The following NARS2 variants were observed in gnomAD, a reference collection of about 807,000 sequenced individuals.
The protein encoded by NARS2 is asparaginyl-tRNA synthetase.
A neutral mutation model predicts 62.9 loss-of-function variants in NARS2; 60 were observed. That is an observed-to-expected ratio of 0.95 (90% confidence interval 0.77 to 1.18). The LOEUF (loss-of-function observed/expected upper bound fraction) is 1.18, where lower values mean the gene tolerates loss of function less well. Among genes scored for constraint, NARS2 ranks in the 50% most tolerant of loss-of-function variants. NARS2 has a pLI of 0.00. For missense variants in NARS2, 619 were observed against 576.4 expected (o/e 1.07, Z -0.76); for synonymous variants, 196 against 200.0 (o/e 0.98, Z 0.17).
At chr11:78,478,724 T>G in intron 7 of NARS2, 41 bp from the exon 8 acceptor site, 1 of 1,350,398 alleles carries the variant, frequency 7.4e-7, no homozygotes, top group Non-Finnish European at 1.0e-6. Context: ...CGTAAGCAAT[T>G]TTACATGAAA....
intron 4 of NARS2, among the ~76,000 whole-genome samples, chr11:78,564,874 T>C (rs1036069001): frequency 2.0e-5 from 3 of 152,240 alleles, no homozygotes; most frequent in African/African-American, 7.2e-5. Context: ...TTTAGCTCTT[T>C]GACCAAAAGT....
chr11:78,460,025 T>G (rs1219652184), intron 11 of NARS2, among the ~76,000 whole-genome samples: 23 of 152,104 alleles, frequency 1.5e-4, no homozygotes, highest in Non-Finnish European at 3.1e-4. Context: ...AGAAGACTGT[T>G]CTAGATTGAA....
At chr11:78,516,646 G>C (rs1274236009) in intron 6 of NARS2, among the ~76,000 whole-genome samples, 2 of 152,068 alleles carry the variant, frequency 1.3e-5, no homozygotes, top group African/African-American at 4.8e-5. Context: ...ACTGATTTTT[G>C]AGCCCTGGAT....
intron 11 of NARS2, among the ~76,000 whole-genome samples, chr11:78,455,760 C>T (rs1166391563): frequency 6.6e-6 from 1 of 151,962 alleles, no homozygotes; most frequent in Non-Finnish European, 1.5e-5. Context: ...TGTATTTCTG[C>T]CTTTACAGCC....
At chr11:78,571,471 G>T in intron 1 of NARS2, 27 bp from the exon 2 acceptor site, 1 of 1,524,688 alleles carries the variant, frequency 6.6e-7, no homozygotes, top group South Asian at 1.1e-5. Context: ...TTTCCAATGT[G>T]AGCGTAAAAC....
intron 13 of NARS2, among the ~76,000 whole-genome samples, chr11:78,438,137 A>G (rs1050376828): frequency 2.6e-5 from 4 of 152,078 alleles, no homozygotes; most frequent in African/African-American, 9.7e-5. Flanking sequence ...CTATTTCCCC[A>G]CCATTAATAA....
chr11:78,510,004 A>C (rs1372299278), intron 6 of NARS2, among the ~76,000 whole-genome samples: 1 of 152,128 alleles, frequency 6.6e-6, no homozygotes, highest in East Asian at 1.9e-4. Flanking sequence ...GAAAATAAGA[A>C]AGAAATTTAA....
chr11:78,470,501 C>A (rs1054930733), intron 9 of NARS2, among the ~76,000 whole-genome samples: 2 of 152,002 alleles, frequency 1.3e-5, no homozygotes, highest in Non-Finnish European at 2.9e-5. Flanking sequence ...ACATAACATA[C>A]ACACTCTTTC....
chr11:78,453,105 G>A lies in NARS2; in HGVS notation c.1165-9347C>T, dbSNP rs182590348. On this transcript the variant is annotated intron_variant, in intron 11 of 13. Transcript: ENST00000281038. ...ATTGTGTTTCTGTGCATCGTTGGGA[G>A]GCTTGAACTAAGCAGAAGGAGTTTA... is the stretch of plus-strand genomic sequence containing the variant. Among the ~76,000 whole-genome samples, 484 of 152,292 alleles carry A rather than the reference G, an allele frequency of 3.2e-3. 6 individuals carry two copies. Among genetic ancestry groups the A allele is most frequent in the African/African-American group, 0.01 (421 of 41,568 alleles).
chr11:78,445,865 C>T (rs968915084), intron 11 of NARS2, among the ~76,000 whole-genome samples: 1 of 152,068 alleles, frequency 6.6e-6, no homozygotes, highest in African/African-American at 2.4e-5. Flanking sequence ...CAAACTGAGG[C>T]AGGAATATCA....
At chr11:78,503,684 C>G (rs750509086) in intron 6 of NARS2, among the ~76,000 whole-genome samples, 2 of 152,220 alleles carry the variant, frequency 1.3e-5, no homozygotes, top group Non-Finnish European at 2.9e-5. Flanking sequence ...TCTTGACAGA[C>G]TCCAAATCAA....
At chr11:78,524,345 G>T (rs1861226233) in intron 6 of NARS2, among the ~76,000 whole-genome samples, 1 of 151,334 alleles carries the variant, frequency 6.6e-6, no homozygotes, top group African/African-American at 2.4e-5. Context: ...TGAAATTCTG[G>T]GTAAAAAGGT....
chr11:78,475,570 T>C (rs1204317716), intron 9 of NARS2, among the ~76,000 whole-genome samples: 1 of 150,244 alleles, frequency 6.7e-6, no homozygotes, highest in Non-Finnish European at 1.5e-5. Flanking sequence ...CAACACCTGT[T>C]ATCATTTGAC....
rs1370313194 is a variant in NARS2, at chr11:78,509,839, AAAAGAAAAG to A, written c.690-16653_690-16645del. Among the ~76,000 whole-genome samples, 19 of 148,270 alleles carry A rather than the reference AAAAGAAAAG, an allele frequency of 1.3e-4. No homozygotes were observed. The South Asian group carries it at 2.5e-3, about 20-fold the overall frequency. On this transcript the variant is annotated intron_variant, in intron 6 of 13. Coordinates refer to ENST00000281038, the MANE Select transcript of NARS2 (RefSeq NM_024678.6). Reference sequence around the variant, plus strand: ...GAGACTCTGTCTCAAAAAAAAAAAAAAAAGAAAAGAAAAGAAAAGAAAAGAAAGTGAGAG... The same window carrying A: ...GAGACTCTGTCTCAAAAAAAAAAAAAAAAAGAAAAGAAAAGAAAGTGAGAG...
At chr11:78,485,977 C>T (rs1325535437) in intron 7 of NARS2, among the ~76,000 whole-genome samples, 1 of 152,096 alleles carries the variant, frequency 6.6e-6, no homozygotes, top group African/African-American at 2.4e-5. Flanking sequence ...CAGGTTCAAG[C>T]GATTCTCATG....
chr11:78,571,465 C>T (rs1856920212), intron 1 of NARS2, 21 bp from the exon 2 acceptor site: 2 of 1,547,382 alleles, frequency 1.3e-6, no homozygotes, highest in Non-Finnish European at 1.8e-6. Flanking sequence ...GAAATATTTC[C>T]AATGTGAGCG....
chr11:78,447,630 T>TTG (rs1857810371), intron 11 of NARS2, among the ~76,000 whole-genome samples: 1 of 151,782 alleles, frequency 6.6e-6, no homozygotes, highest in Admixed American at 6.6e-5. Flanking sequence ...TGGACAAATA[T>TTG]TGTGTATATA....
chr11:78,544,229 A>G (rs1330999890), intron 5 of NARS2, among the ~76,000 whole-genome samples: 1 of 151,890 alleles, frequency 6.6e-6, no homozygotes, highest in Non-Finnish European at 1.5e-5. Flanking sequence ...GTGATTTATT[A>G]CTCCTTTGCT....
At chr11:78,468,491 G>GC (rs532073286) in intron 10 of NARS2, among the ~76,000 whole-genome samples, 170 of 148,466 alleles carry the variant, frequency 1.1e-3, no homozygotes, top group Admixed American at 3.2e-3. Flanking sequence ...TGCAGACTCT[G>GC]CCCCCCGGGT....
Sources: allele counts gnomAD v4.1 joint callset (sites outside exome capture counted in the v4.1 genomes callset), GRCh38; gene constraint gnomAD v4.1.1; transcripts MANE v1.5; gene names NCBI Gene and HGNC (gene_info 2026-07-23, HGNC 2026-07-21).